PVT1: variants seen among roughly 807,000 people sequenced by gnomAD.
The protein encoded by PVT1 is CXCR4/PVT1 fusion.
chr8:128,095,975 A>G (rs572253898), intron 5 of PVT1, among the ~76,000 whole-genome samples: 2 of 152,082 alleles, frequency 1.3e-5, no homozygotes, highest in Non-Finnish European at 2.9e-5. Flanking sequence ...GTAAAAAGAA[A>G]CTCAACCCAC....
chr8:127,808,608 G>A lies in PVT1; in HGVS notation n.372+12537G>A, dbSNP rs79014981. ...GATTGACCTTTTTGTTGGGTAGATGGTGGATCAACGGAAGCAGGTGGCCCA... is the reference window on the plus strand; with the variant it reads ...GATTGACCTTTTTGTTGGGTAGATGATGGATCAACGGAAGCAGGTGGCCCA... On this transcript the variant is annotated intron_variant and non_coding_transcript_variant, in intron 2 of 10. Coordinates refer to ENST00000651587, the Ensembl canonical transcript of PVT1. Among the ~76,000 whole-genome samples, 1,285 of 152,252 alleles carry A rather than the reference G, an allele frequency of 8.4e-3. 12 individuals are homozygous for A. The highest frequency in any genetic ancestry group is 0.01 in the Non-Finnish European group (708 of 68,016).
chr8:128,093,460 G>A (rs1814385927), intron 5 of PVT1, among the ~76,000 whole-genome samples: 1 of 152,110 alleles, frequency 6.6e-6, no homozygotes, highest in African/African-American at 2.4e-5. Flanking sequence ...AGGAGGCTGA[G>A]GCAGGAGAAT....
At chr8:127,953,853 C>A (rs1040381375) in intron 3 of PVT1, among the ~76,000 whole-genome samples, 1 of 152,000 alleles carries the variant, frequency 6.6e-6, no homozygotes, top group African/African-American at 2.4e-5. Context: ...TCTTTTGCTA[C>A]AGCTCACGTA....
chr8:127,875,915 C>T (rs1815399935), intron 2 of PVT1, among the ~76,000 whole-genome samples: 2 of 152,056 alleles, frequency 1.3e-5, no homozygotes, highest in Non-Finnish European at 1.5e-5. Flanking sequence ...AGGCCTCATG[C>T]TGGAAAGAGA....
intron 4 of PVT1, among the ~76,000 whole-genome samples, chr8:128,064,378 C>G (rs1488872373): frequency 2.0e-5 from 3 of 152,194 alleles, no homozygotes; most frequent in Non-Finnish European, 4.4e-5. Context: ...AAAATGTAAG[C>G]CATGCACCGT....
chr8:127,896,524 T>G (rs1054854546), intron 3 of PVT1, among the ~76,000 whole-genome samples: 1 of 152,240 alleles, frequency 6.6e-6, no homozygotes, highest in Non-Finnish European at 1.5e-5. Context: ...AAATCTGTTT[T>G]GAAGCTCTGC....
At chr8:128,037,419 C>T (rs1030951196) in intron 4 of PVT1, among the ~76,000 whole-genome samples, 9 of 152,124 alleles carry the variant, frequency 5.9e-5, no homozygotes, top group African/African-American at 2.2e-4. Context: ...ATGTTCTTTT[C>T]CCCACCTGGA....
chr8:127,997,251 G>C (rs749889401), intron 4 of PVT1, among the ~76,000 whole-genome samples: 6 of 151,830 alleles, frequency 4.0e-5, no homozygotes, highest in Non-Finnish European at 7.4e-5. Context: ...GTGTTGGTCA[G>C]GCTGGTCTCG....
Position 127,937,923 on chromosome 8 carries a change from C to T in PVT1, n.782+46925C>T, listed in dbSNP as rs548882602. Among the ~76,000 whole-genome samples, 38 of 152,322 alleles carry T rather than the reference C, an allele frequency of 2.5e-4. No individual in the cohort carries two copies. The South Asian group carries it at 4.4e-3, about 17-fold the overall frequency. On this transcript the variant is annotated intron_variant and non_coding_transcript_variant, in intron 3 of 10. Coordinates refer to ENST00000651587, the Ensembl canonical transcript of PVT1. ...GAATTTAGTCTCTGTCACGCTAAATCGTGCTACATGCTCCGTCTAGTTCAG... is the reference window on the plus strand; with the variant it reads ...GAATTTAGTCTCTGTCACGCTAAATTGTGCTACATGCTCCGTCTAGTTCAG...
intron 3 of PVT1, among the ~76,000 whole-genome samples, chr8:127,984,832 TTTTCTTTTCTTTC>T: frequency 8.1e-6 from 1 of 123,682 alleles, no homozygotes; most frequent in Middle Eastern, 4.5e-3. Flanking sequence ...GGTTTCTTTC[TTTTCTTTTCTTTC>T]TTTCTTTCTT....
intron 4 of PVT1, among the ~76,000 whole-genome samples, chr8:128,036,112 G>A (rs1021135523): frequency 1.3e-5 from 2 of 152,242 alleles, no homozygotes; most frequent in Non-Finnish European, 1.5e-5. Flanking sequence ...GAATGGCTCA[G>A]TGGTTCCGAG....
At chr8:128,027,799 T>G (rs752995743) in intron 4 of PVT1, among the ~76,000 whole-genome samples, 10 of 152,174 alleles carry the variant, frequency 6.6e-5, no homozygotes, top group Non-Finnish European at 1.5e-4. Context: ...AATGACTCAA[T>G]GAATTTCCCA....
chr8:128,057,541 A>G (rs981150091), intron 4 of PVT1, among the ~76,000 whole-genome samples: 1 of 152,214 alleles, frequency 6.6e-6, no homozygotes, highest in African/African-American at 2.4e-5. Flanking sequence ...AACAAGCACC[A>G]GAAAGTCAGG....
intron 3 of PVT1, among the ~76,000 whole-genome samples, chr8:127,899,822 T>C (rs1462250748): frequency 6.6e-6 from 1 of 152,162 alleles, no homozygotes; most frequent in East Asian, 1.9e-4. Context: ...GGCTTTCCAC[T>C]GTCTTTCCCA....
chr8:128,028,835 T>C (rs1813355717), intron 4 of PVT1, among the ~76,000 whole-genome samples: 1 of 152,114 alleles, frequency 6.6e-6, no homozygotes, highest in Non-Finnish European at 1.5e-5. Flanking sequence ...TTTTTAAATT[T>C]TTAAATGTTA....
chr8:127,895,047 C>T (rs1286277383), intron 3 of PVT1, among the ~76,000 whole-genome samples: 1 of 152,214 alleles, frequency 6.6e-6, no homozygotes, highest in African/African-American at 2.4e-5. Context: ...TCATTGAGCA[C>T]CCAAAGTTTT....
chr8:128,091,671 C>G (rs1186121003), intron 5 of PVT1, among the ~76,000 whole-genome samples: 1 of 152,166 alleles, frequency 6.6e-6, no homozygotes, highest in East Asian at 1.9e-4. Context: ...CAGTGTGGGA[C>G]AGAACAAGTG....
chr8:128,054,168 A>G (rs1438298512), intron 4 of PVT1, among the ~76,000 whole-genome samples: 1 of 152,208 alleles, frequency 6.6e-6, no homozygotes, highest in Non-Finnish European at 1.5e-5. Context: ...TGGTTCTCCC[A>G]ACAAATAGGA....
chr8:127,985,364 C>T (rs1419630460), intron 3 of PVT1, among the ~76,000 whole-genome samples: 11 of 151,474 alleles, frequency 7.3e-5, no homozygotes, highest in Non-Finnish European at 1.5e-4. Flanking sequence ...TGGCCTCAAA[C>T]GATCTTCCTG....
Sources: allele counts gnomAD v4.1 joint callset (sites outside exome capture counted in the v4.1 genomes callset), GRCh38; gene constraint gnomAD v4.1.1; transcripts MANE v1.5; gene names NCBI Gene and HGNC (gene_info 2026-07-23, HGNC 2026-07-21).